The following NRCAM variants were observed in gnomAD, a reference collection of about 807,000 sequenced individuals.
NRCAM encodes the protein neuronal cell adhesion molecule.
NRCAM carries 83 observed loss-of-function variants against 156.5 expected under a neutral mutation model. The observed-to-expected ratio is 0.53, with a 90% confidence interval of 0.44 to 0.64. NRCAM has a LOEUF of 0.64. Among genes scored for constraint, NRCAM ranks in the 30% least tolerant of loss-of-function variants. The pLI, the probability that NRCAM is intolerant of heterozygous loss-of-function variation, is 0.00. For synonymous variants in NRCAM, 538 were observed against 563.9 expected, an observed-to-expected ratio of 0.95 and a Z score of 0.65; for missense variants, 1,417 against 1,597.3, an observed-to-expected ratio of 0.89 and a Z score of 1.92.
chr7:108,433,997 T>TA (rs1829054287), intron 1 of NRCAM, among the ~76,000 whole-genome samples: 4 of 152,154 alleles, frequency 2.6e-5, no homozygotes, highest in African/African-American at 9.7e-5. Flanking sequence ...AGTTGACAAA[T>TA]ACTCTCCCTA....
intron 20 of NRCAM, 82 bp from the exon 21 acceptor site, chr7:108,184,696 C>A: frequency 1.8e-6 from 2 of 1,089,368 alleles, no homozygotes; most frequent in Non-Finnish European, 2.6e-6. Flanking sequence ...ACTAACAGGG[C>A]AACCCAACAC....
intron 2 of NRCAM, among the ~76,000 whole-genome samples, chr7:108,363,630 T>C (rs1690057470): frequency 6.6e-6 from 1 of 152,180 alleles, no homozygotes; most frequent in African/African-American, 2.4e-5. Flanking sequence ...GTAGTCTCTT[T>C]ACAGTGCAGA....
In NRCAM at chr7:108,208,601, G is replaced by A. The variant is rs577876891; in HGVS notation, c.1075+820C>T. 3.9e-5 allele frequency among the ~76,000 whole-genome samples: 6 copies of A among 152,258 alleles called. No individual in the cohort carries two copies. In the South Asian group the frequency reaches 6.2e-4, roughly 16 times the overall value. The stretch of plus-strand genomic sequence containing the variant: ...CCTAGACACCGTATTTACTTGTAAC[G>A]TCTTTTGCATTTACTTGTCATCATC... On this transcript the variant is annotated intron_variant, in intron 12 of 32. Coordinates refer to ENST00000379028, the MANE Select transcript of NRCAM (RefSeq NM_001037132.4).
chr7:108,336,646 C>T (rs981766649), intron 2 of NRCAM, among the ~76,000 whole-genome samples: 3 of 152,148 alleles, frequency 2.0e-5, no homozygotes, highest in African/African-American at 7.2e-5. Context: ...GGAAACCCAA[C>T]CTAATTCTAT....
intron 2 of NRCAM, among the ~76,000 whole-genome samples, chr7:108,316,561 G>A (rs1160975556): frequency 6.6e-6 from 1 of 151,958 alleles, no homozygotes; most frequent in Non-Finnish European, 1.5e-5. Flanking sequence ...AGATCACGAA[G>A]TCAGGAGATC....
At chr7:108,234,372 GT>G (rs1299075626) in intron 6 of NRCAM, among the ~76,000 whole-genome samples, 1 of 152,054 alleles carries the variant, frequency 6.6e-6, no homozygotes, top group Non-Finnish European at 1.5e-5. Context: ...GACCCAAGAA[GT>G]TACCTTCAGT....
At chr7:108,347,055 T>TTTG (rs60012938) in intron 2 of NRCAM, among the ~76,000 whole-genome samples, 4 of 143,862 alleles carry the variant, frequency 2.8e-5, no homozygotes, top group Non-Finnish European at 4.5e-5. Context: ...TTTTTTTTTT[T>TTTG]GAGACAGACT....
chr7:108,252,330 A>T (rs1354983755), intron 3 of NRCAM, among the ~76,000 whole-genome samples: 1 of 152,340 alleles, frequency 6.6e-6, no homozygotes, highest in South Asian at 2.1e-4. Context: ...ATGTCCAGTT[A>T]GTCTGTCTGA....
intron 3 of NRCAM, among the ~76,000 whole-genome samples, chr7:108,277,720 T>G (rs1290624432): frequency 6.6e-6 from 1 of 152,096 alleles, no homozygotes; most frequent in African/African-American, 2.4e-5. Context: ...ACTACCAACC[T>G]TCTGAAGCCT....
chr7:108,165,270 G>A lies in NRCAM; in HGVS notation c.3466+1651C>T, dbSNP rs539515423. Among the ~76,000 whole-genome samples the A allele has an allele frequency of 5.4e-4, 82 of 152,226 alleles. 1 individual carries two copies. The South Asian group carries it at 0.017, about 31-fold the overall frequency. On this transcript the variant is annotated intron_variant, in intron 30 of 32. Coordinates refer to ENST00000379028, the MANE Select transcript of NRCAM (RefSeq NM_001037132.4). ...ATAGTGAGGCCTTTCTTCTGGAGAC[G>A]GAACGACAAGCTTCTAATCCCAGCT...
chr7:108,248,731 A>T (rs73199578), intron 3 of NRCAM, among the ~76,000 whole-genome samples: 8,347 of 152,186 alleles, frequency 0.055, 300 homozygotes, highest in South Asian at 0.11. Flanking sequence ...GATGCACACA[A>T]CTTTTGCTCA....
At chr7:108,367,774 A>G (rs2099600852) in intron 2 of NRCAM, among the ~76,000 whole-genome samples, 1 of 152,234 alleles carries the variant, frequency 6.6e-6, no homozygotes, top group Non-Finnish European at 1.5e-5. Flanking sequence ...AAGTGCTTAT[A>G]CAAATGCAAT....
At chr7:108,398,416 T>C (rs972358786) in intron 2 of NRCAM, among the ~76,000 whole-genome samples, 6 of 152,118 alleles carry the variant, frequency 3.9e-5, no homozygotes, top group Non-Finnish European at 7.3e-5. Context: ...ACAAAATGCA[T>C]CTTTCCCTCC....
At chr7:108,232,142 G>C (rs2094415537) in intron 7 of NRCAM, among the ~76,000 whole-genome samples, 184 bp downstream of exon 7, 1 of 152,018 alleles carries the variant, frequency 6.6e-6, no homozygotes, top group Non-Finnish European at 1.5e-5. Context: ...GATTGGTAAA[G>C]CATTGGACTA....
chr7:108,250,761 G>A (rs1248837338), intron 3 of NRCAM, among the ~76,000 whole-genome samples: 2 of 152,028 alleles, frequency 1.3e-5, no homozygotes, highest in Non-Finnish European at 2.9e-5. Flanking sequence ...GAGTATAATT[G>A]GATTGTCTGT....
At chr7:108,301,754 G>A (rs2098621563) in intron 3 of NRCAM, among the ~76,000 whole-genome samples, 1 of 151,838 alleles carries the variant, frequency 6.6e-6, no homozygotes, top group African/African-American at 2.4e-5. Flanking sequence ...AATATCTAGG[G>A]GCTCAAAATG....
Position 108,258,376 on chromosome 7 carries a change from G to C in NRCAM, c.-106-18206C>G, listed in dbSNP as rs1408470850. Among the ~76,000 whole-genome samples, 3 of 152,036 alleles carry C rather than the reference G, an allele frequency of 2.0e-5. No homozygotes were observed. In the South Asian group the frequency reaches 6.2e-4, roughly 32 times the overall value. On this transcript the variant is annotated intron_variant, in intron 3 of 32. Transcript: ENST00000379028. Reference sequence around the variant, plus strand: ...TTCACTTCCTTCTCTTTCCAGCTTAGGTCCCATGGGCCACCCTTCATTTTT... The same window carrying C: ...TTCACTTCCTTCTCTTTCCAGCTTACGTCCCATGGGCCACCCTTCATTTTT...
At position 108,171,144 on chromosome 7, in the gene NRCAM, T is replaced by C. The variant is rs117015297; in HGVS notation, c.3188-2742A>G. Among the ~76,000 whole-genome samples, 950 of 152,262 alleles carry C rather than the reference T, an allele frequency of 6.2e-3. 7 individuals carry two copies. The highest frequency in any genetic ancestry group is 9.7e-3 in the Non-Finnish European group (662 of 68,020). The stretch of plus-strand genomic sequence containing the variant: ...CTCACAGAGCACCTATTTTGTACCA[T>C]ACAAGGGAGCTGTAGTGTCCCCTTT... On this transcript the variant is annotated intron_variant, in intron 28 of 32. Coordinates refer to ENST00000379028, the MANE Select transcript of NRCAM (RefSeq NM_001037132.4).
intron 3 of NRCAM, among the ~76,000 whole-genome samples, chr7:108,275,483 G>A (rs1038247509): frequency 6.6e-6 from 1 of 152,294 alleles, no homozygotes; most frequent in Admixed American, 6.5e-5. Context: ...ATTTGTCCAG[G>A]AATTTATCCA....
Sources: gnomAD v4.1 joint callset for allele counts (sites outside exome capture counted in the v4.1 genomes callset) on GRCh38, gnomAD v4.1.1 for gene constraint, MANE v1.5 for transcripts, NCBI Gene and HGNC (gene_info 2026-07-23, HGNC 2026-07-21) for gene names.